The following MED10 variants were observed in gnomAD, a reference collection of about 807,000 sequenced individuals.
MED10 encodes the protein mediator complex subunit 10, also known as mediator of RNA polymerase II transcription subunit 10.
Under a neutral mutation model 17.2 loss-of-function variants are expected in MED10, and 9 were observed. The observed-to-expected ratio is 0.52, with a 90% CI of 0.31 to 0.91. The LOEUF (loss-of-function observed/expected upper bound fraction) is 0.91. Ranked by LOEUF, MED10 falls within the 40% of genes least tolerant of loss-of-function variation. MED10 has a pLI of 0.04. For missense variants in MED10, 129 were observed against 164.8 expected, an observed-to-expected ratio of 0.78 and a Z score of 1.19; for synonymous variants, 66 against 59.8, an observed-to-expected ratio of 1.10 and a Z score of -0.48.
At chr5:6,376,371 G>A (rs1379726717) in intron 2 of MED10, among the ~76,000 whole-genome samples, 1 of 152,180 alleles carries the variant, frequency 6.6e-6, no homozygotes, top group Non-Finnish European at 1.5e-5. Context: ...GCTGTTCCAA[G>A]CCAGCACCAT....
chr5:6,377,933 C>T (rs1442036737), intron 1 of MED10, among the ~76,000 whole-genome samples: 1 of 152,214 alleles, frequency 6.6e-6, no homozygotes, highest in African/African-American at 2.4e-5. Flanking sequence ...GCTTCGGAGC[C>T]TCACCTTCTG....
intron 3 of MED10, among the ~76,000 whole-genome samples, chr5:6,373,512 A>C (rs763730777): frequency 6.6e-6 from 1 of 152,240 alleles, no homozygotes; most frequent in Non-Finnish European, 1.5e-5. Context: ...TGAAACTGGA[A>C]GGATAGAGTC....
chr5:6,378,473 T>G lies in MED10; in HGVS notation c.11A>C (p.Lys4Thr). The change falls in exon 1 of 4, where the codon AAG becomes ACG. Residue 4 changes from lysine to threonine, a missense_variant. Around this residue, in one of 3 missense-constraint regions of MED10, gnomAD observed 23 missense variants for 17.7 expected, o/e 1.30. Coordinates refer to ENST00000255764, the MANE Select transcript of MED10 (RefSeq NM_032286.3). ...CAGGTGCTCCTCTAGGTGGTCAAAC[T>G]TCTCCGCCATCGCCTCGGCCCGTCC... MAEKFDHLEEHLEK... is the reference protein window; with the variant it reads MAETFDHLEEHLEK... The G allele has an allele frequency of 1.9e-6, 3 of 1,611,972 alleles. No individual in the cohort carries two copies. The highest frequency in any genetic ancestry group is 2.5e-6 in the Non-Finnish European group (3 of 1,178,980).
chr5:6,378,527 C>G lies in MED10; in HGVS notation c.-44G>C. The G allele has an allele frequency of 3.2e-6, 5 of 1,585,812 alleles. No homozygotes were observed. The highest frequency in any genetic ancestry group is 3.4e-6 in the Non-Finnish European group (4 of 1,164,230). On this transcript the variant is annotated 5_prime_UTR_variant, in exon 1 of 4. Transcript: ENST00000255764. ...ACCCACACAGCCTCAACCAGCAGCG[C>G]CGCAGGCGTGGCCCTACGCTCCCGC...
intron 3 of MED10, 130 bp from the exon 4 acceptor site, chr5:6,372,731 T>C (rs1737913065): frequency 3.0e-6 from 2 of 665,280 alleles, no homozygotes; most frequent in Admixed American, 5.0e-5. Flanking sequence ...GACCTGAGAC[T>C]TCCACTGATC....
chr5:6,374,275 G>A, intron 3 of MED10, 49 bp downstream of exon 3: 1 of 1,294,218 alleles, frequency 7.7e-7, no homozygotes, highest in Non-Finnish European at 1.1e-6. Flanking sequence ...AAATTCCACT[G>A]AGAAGGCATC....
In MED10 at chr5:6,372,399, G is replaced by A. The variant is rs1737905839; in HGVS notation, c.*104C>T. The A allele has an allele frequency of 1.1e-6, 1 of 928,442 alleles. No individual in the cohort carries two copies. The highest frequency in any genetic ancestry group is 2.4e-5 in the East Asian group (1 of 41,338). 57.5% of individuals were successfully genotyped at this position (928,442 alleles called of 1,614,324 possible). On this transcript the variant is annotated 3_prime_UTR_variant, in exon 4 of 4. Coordinates refer to ENST00000255764, the MANE Select transcript of MED10 (RefSeq NM_032286.3). ...ACAGAGGGGCTGAGGGGTGTGTCCA[G>A]GGCCCAGTCCCACCTCAGCAGGAAG... is the stretch of plus-strand genomic sequence containing the variant.
intron 2 of MED10, 158 bp from the exon 3 acceptor site, chr5:6,374,584 T>C (rs1579253503): frequency 1.7e-6 from 1 of 598,096 alleles, no homozygotes; most frequent in Non-Finnish European, 3.0e-6. Context: ...TAATATTCCC[T>C]CATTTACACA....
chr5:6,378,347 C>T lies in MED10; in HGVS notation c.122+15G>A. Reference sequence around the variant, plus strand: ...GGCCCTGGGGAGACCCCGGCAGCCTCGGGCCGCCACTCACAGCTTTTGGTT... The same window carrying T: ...GGCCCTGGGGAGACCCCGGCAGCCTTGGGCCGCCACTCACAGCTTTTGGTT... On this transcript the variant is annotated intron_variant, in intron 1 of 3. Transcript: ENST00000255764. 6 of 1,592,358 alleles carry T rather than the reference C, an allele frequency of 3.8e-6. No homozygotes were observed. The highest frequency in any genetic ancestry group is 4.3e-6 in the Non-Finnish European group (5 of 1,171,198).
chr5:6,377,323 C>T, intron 1 of MED10, 74 bp from the exon 2 acceptor site: 2 of 1,107,642 alleles, frequency 1.8e-6, no homozygotes, highest in South Asian at 2.9e-5. Flanking sequence ...CAGAGCTACC[C>T]AGCCAACCGG....
At chr5:6,377,096 A>G (rs1335381256) in intron 2 of MED10, 70 bp downstream of exon 2, 17 of 1,010,754 alleles carry the variant, frequency 1.7e-5, no homozygotes, top group Non-Finnish European at 2.5e-5. Flanking sequence ...CCAGTGATGA[A>G]GAAGTCACGA....
chr5:6,374,756 T>C (rs866513355), intron 2 of MED10: 1 of 244,736 alleles, frequency 4.1e-6, no homozygotes, highest in Admixed American at 4.8e-5. Context: ...ATTACCTTTT[T>C]GATCCTTACA....
intron 1 of MED10, 100 bp from the exon 2 acceptor site, chr5:6,377,349 C>A: frequency 1.3e-6 from 1 of 743,452 alleles, no homozygotes; most frequent in South Asian, 1.8e-5. Flanking sequence ...CACGCAAGTT[C>A]GTTCTCCTCA....
rs942025775 is a variant in MED10 at position 6,372,418 on chromosome 5, C to T, written c.*85G>A. 1 of 1,129,780 alleles carries T rather than the reference C, an allele frequency of 8.9e-7. No homozygotes were observed. Among genetic ancestry groups the T allele is most frequent in the African/African-American group, 1.5e-5 (1 of 65,458 alleles). The allele number at this position is 1,129,780 out of a possible 1,614,324, so 70.0% of individuals were successfully genotyped here. On this transcript the variant is annotated 3_prime_UTR_variant, in exon 4 of 4. Coordinates refer to ENST00000255764, the MANE Select transcript of MED10 (RefSeq NM_032286.3). ...TGTCCAGGGCCCAGTCCCACCTCAG[C>T]AGGAAGGTGGCGTCAGCACTCGCAG...
Position 6,372,188 on chromosome 5 carries a change from C to A in MED10, c.*315G>T. 2 of 265,162 alleles carry A rather than the reference C, an allele frequency of 7.5e-6. No homozygotes were observed. The highest frequency in any genetic ancestry group is 7.1e-5 in the East Asian group (1 of 14,134). The allele number at this position is 265,162 out of a possible 1,614,324, so 16.4% of individuals were successfully genotyped here. On this transcript the variant is annotated 3_prime_UTR_variant, in exon 4 of 4. Transcript: ENST00000255764. ...GAATGTTGTAAAACTTTTAATTTAC[C>A]CATCATATTTAACATTTCCAAGACT... is the stretch of plus-strand genomic sequence containing the variant.
intron 1 of MED10, among the ~76,000 whole-genome samples, chr5:6,377,883 C>T (rs1738033050): frequency 6.6e-6 from 1 of 152,242 alleles, no homozygotes; most frequent in African/African-American, 2.4e-5. Flanking sequence ...AGCACCACCT[C>T]CCCGCTATTT....
At chr5:6,372,803 G>C (rs1477491533) in intron 3 of MED10, among the ~76,000 whole-genome samples, 1 of 152,152 alleles carries the variant, frequency 6.6e-6, no homozygotes, top group Admixed American at 6.5e-5. Flanking sequence ...CACAGCCCCG[G>C]ACGTCACCAC....
intron 2 of MED10, among the ~76,000 whole-genome samples, chr5:6,375,880 T>A (rs1322624216): frequency 6.6e-6 from 1 of 152,168 alleles, no homozygotes; most frequent in Admixed American, 6.5e-5. Flanking sequence ...ATCTCATCCA[T>A]CCCCGTGCCC....
At chr5:6,377,038 C>A in intron 2 of MED10, 128 bp downstream of exon 2, 1 of 470,554 alleles carries the variant, frequency 2.1e-6, no homozygotes, top group Non-Finnish European at 3.7e-6. Context: ...TCCACTGGCA[C>A]ATCCCCAGCA....
Sources: allele counts gnomAD v4.1 joint callset (sites outside exome capture counted in the v4.1 genomes callset), GRCh38; gene constraint gnomAD v4.1.1; regional missense constraint gnomAD v4.1.1; transcripts MANE v1.5; gene names NCBI Gene and HGNC (gene_info 2026-07-23, HGNC 2026-07-21).